The following SSPN variants were observed in gnomAD, a reference collection of about 807,000 sequenced individuals.
The protein encoded by SSPN is sarcospan, also known as K-ras oncogene-associated protein.
A neutral mutation model predicts 19.1 loss-of-function variants in SSPN; 15 were observed. The ratio of observed to expected loss-of-function variants is 0.78; its 90% confidence interval spans 0.52 to 1.21. SSPN has a LOEUF of 1.21. Ranked by LOEUF, SSPN falls within the 50% of genes most tolerant of loss-of-function variation. The pLI is 0.00. For missense variants in SSPN, 291 were observed against 314.0 expected, an observed-to-expected ratio of 0.93 and a Z score of 0.55; for synonymous variants, 147 against 140.3, an observed-to-expected ratio of 1.05 and a Z score of -0.34.
intron 1 of SSPN, among the ~76,000 whole-genome samples, chr12:26,157,074 C>A (rs1231698154): frequency 1.3e-5 from 2 of 152,142 alleles, no homozygotes; most frequent in Admixed American, 1.3e-4. Flanking sequence ...TAGCTCTTTT[C>A]AGATGTTTTT....
Position 26,144,739 on chromosome 12 carries a change from G to A in SSPN, c.-31+22587G>A, listed in dbSNP as rs572839756. Among the ~76,000 whole-genome samples the A allele has an allele frequency of 1.4e-4, 22 of 152,172 alleles. No homozygotes were observed. The South Asian group carries it at 3.7e-3, about 26-fold the overall frequency. On this transcript the variant is annotated intron_variant, in intron 1 of 2. Transcript: ENST00000538142. Reference sequence around the variant, plus strand: ...ATTCTTCAAGACAGATACTGAGCTCGGTAAATATTTGTTGAAAGAATAGAT... The same window carrying A: ...ATTCTTCAAGACAGATACTGAGCTCAGTAAATATTTGTTGAAAGAATAGAT...
chr12:26,161,569 CTTAT>C (rs772680651), intron 1 of SSPN, among the ~76,000 whole-genome samples: 6 of 152,140 alleles, frequency 3.9e-5, no homozygotes, highest in Non-Finnish European at 8.8e-5. Context: ...TTATGATTTA[CTTAT>C]TTATTACATT....
chr12:26,233,951 T>C lies in SSPN; in HGVS notation c.*2875T>C, dbSNP rs1346327123. 2 of 152,194 alleles carry C rather than the reference T, an allele frequency of 1.3e-5. No homozygotes were observed. Among genetic ancestry groups the C allele is most frequent in the African/African-American group, 2.4e-5 (1 of 41,444 alleles). 9.4% of individuals were successfully genotyped at this position (152,194 alleles called of 1,614,324 possible). On this transcript the variant is annotated 3_prime_UTR_variant, in exon 3 of 3. Transcript: ENST00000242729. This position sits in a 1 kb window ranked among gnomAD's most constrained non-coding sequence, Gnocchi z 4.3. ...CTCCATCCAAATTTGTGTAGGCTGC[T>C]CCTTGGAGCTATGCCTAAAATATAG...
chr12:26,192,670 T>C (rs564662701), upstream of SSPN, among the ~76,000 whole-genome samples: 1 of 152,304 alleles, frequency 6.6e-6, no homozygotes, highest in East Asian at 1.9e-4. Context: ...GCTGAGCAGG[T>C]GTGAGTTTCC....
chr12:26,221,744 C>G (rs1435635093), intron 1 of SSPN, among the ~76,000 whole-genome samples: 1 of 152,168 alleles, frequency 6.6e-6, no homozygotes, highest in African/African-American at 2.4e-5. Context: ...AGCTGGTAGT[C>G]TCTAGCGAAG....
intron 1 of SSPN, among the ~76,000 whole-genome samples, chr12:26,147,018 A>T (rs1944496081): frequency 6.6e-6 from 1 of 152,098 alleles, no homozygotes; most frequent in Non-Finnish European, 1.5e-5. Context: ...GACTGATAAC[A>T]AGGATTCGGG....
intron 1 of SSPN, among the ~76,000 whole-genome samples, chr12:26,151,228 G>T (rs1370729944): frequency 6.6e-6 from 1 of 152,120 alleles, no homozygotes; most frequent in African/African-American, 2.4e-5. Flanking sequence ...GCCAGCATGA[G>T]ATCAGCTTTT....
intron 1 of SSPN, among the ~76,000 whole-genome samples, chr12:26,153,579 T>C (rs1049757307): frequency 6.6e-6 from 1 of 152,186 alleles, no homozygotes; most frequent in Admixed American, 6.5e-5. Flanking sequence ...AAATGAATAA[T>C]GAATAAACAG....
Position 26,195,795 on chromosome 12 carries a change from G to T in SSPN, c.123G>T (p.Glu41Asp). Reference sequence around the variant, plus strand: ...CGGGGGCCCCCAAGGAGTGCGGGGAGGAGGAGCCCCGGACCTGCTGCGGCT... The same window carrying T: ...CGGGGGCCCCCAAGGAGTGCGGGGATGAGGAGCCCCGGACCTGCTGCGGCT... Reference protein sequence around the residue: ...KGTGAPKECGEEEPRTCCGCR... With the variant: ...KGTGAPKECGDEEPRTCCGCR... Residue 41 changes from glutamate (E) to aspartate (D), a missense_variant, in exon 1 of 3, where the codon GAG becomes GAT. Physicochemically the swap from Glu to Asp is conservative, Grantham distance 45. Around this residue, in one of 3 missense-constraint regions of SSPN, gnomAD observed 139 missense variants for 119.6 expected, o/e 1.16. Coordinates refer to ENST00000242729, the MANE Select transcript of SSPN (RefSeq NM_005086.5). 1 of 1,528,840 alleles carries T rather than the reference G, an allele frequency of 6.5e-7. No individual in the cohort carries two copies. The highest frequency in any genetic ancestry group is 2.6e-5 in the East Asian group (1 of 38,868). The allele number at this position is 1,528,840 out of a possible 1,614,324, so 94.7% of individuals were successfully genotyped here.
chr12:26,227,019 C>A (rs765195805), intron 2 of SSPN, among the ~76,000 whole-genome samples: 1 of 152,062 alleles, frequency 6.6e-6, no homozygotes, highest in Non-Finnish European at 1.5e-5. Context: ...TGCGCAGCGC[C>A]GGGCTGATGG....
At chr12:26,198,259 G>A (rs1471963404) in intron 1 of SSPN, among the ~76,000 whole-genome samples, 1 of 152,150 alleles carries the variant, frequency 6.6e-6, no homozygotes, top group Non-Finnish European at 1.5e-5. Context: ...CCCCTCCCAG[G>A]TTCAAGACGT....
chr12:26,147,701 C>T (rs111696327), intron 1 of SSPN, among the ~76,000 whole-genome samples: 7 of 152,342 alleles, frequency 4.6e-5, no homozygotes, highest in African/African-American at 1.4e-4. Context: ...CCCACTCTTC[C>T]TCTGCAAGCC....
At chr12:26,162,240 T>C (rs2343867) in intron 1 of SSPN, among the ~76,000 whole-genome samples, 63,240 of 152,032 alleles carry the variant, frequency 0.42, 15,539 homozygotes, top group Admixed American at 0.57. Flanking sequence ...TTGTTTTAAC[T>C]TGAGAAAAAT....
chr12:26,124,528 G>A (rs752220142), intron 1 of SSPN: 1 of 1,614,014 alleles, frequency 6.2e-7, no homozygotes, highest in Non-Finnish European at 8.5e-7. Flanking sequence ...CCTTGGTGTC[G>A]TCTCGTTTCA....
At position 26,167,773 on chromosome 12, in the gene SSPN, G is replaced by T. The variant is rs139392957; in HGVS notation, c.-31+45621G>T. Among the ~76,000 whole-genome samples, 89 of 152,270 alleles carry T rather than the reference G, an allele frequency of 5.8e-4. 2 individuals are homozygous for T. The highest frequency in any genetic ancestry group is 2.0e-3 in the African/African-American group (85 of 41,568). The stretch of plus-strand genomic sequence containing the variant: ...TTTCTGAAGTAGAATTGGTTCTAGA[G>T]CCTAGATACTGAACACCCTGTTCCT... On this transcript the variant is annotated intron_variant, in intron 1 of 2. Coordinates refer to the SSPN transcript ENST00000538142.
intron 1 of SSPN, among the ~76,000 whole-genome samples, chr12:26,169,053 A>G (rs565670788): frequency 6.7e-6 from 1 of 150,134 alleles, no homozygotes; most frequent in South Asian, 2.1e-4. Flanking sequence ...ACTTAAGGTA[A>G]TGATGGTCAT....
intron 1 of SSPN, among the ~76,000 whole-genome samples, chr12:26,166,145 A>G (rs758375078): frequency 1.1e-4 from 16 of 152,198 alleles, no homozygotes; most frequent in Non-Finnish European, 1.5e-4. Flanking sequence ...TAGGGGAGGG[A>G]TAGCACTAGG....
intron 1 of SSPN, among the ~76,000 whole-genome samples, chr12:26,147,906 CT>C (rs145536409): frequency 0.018 from 2,666 of 152,240 alleles, 81 homozygotes; most frequent in African/African-American, 0.059. Flanking sequence ...TGCGTTTGCA[CT>C]AATAGAATCT....
At chr12:26,165,789 G>A (rs746694880) in intron 1 of SSPN, among the ~76,000 whole-genome samples, 1 of 152,180 alleles carries the variant, frequency 6.6e-6, no homozygotes, top group African/African-American at 2.4e-5. Flanking sequence ...AGGGATTAAC[G>A]TAATAATTGT....
Sources: allele counts gnomAD v4.1 joint callset (sites outside exome capture counted in the v4.1 genomes callset), GRCh38; gene constraint gnomAD v4.1.1; regional missense constraint gnomAD v4.1.1; non-coding constraint Gnocchi (gnomAD v3.1); transcripts MANE v1.5; gene names NCBI Gene and HGNC (gene_info 2026-07-23, HGNC 2026-07-21).